NELL1: variants seen among roughly 807,000 people sequenced by gnomAD.
NELL1 encodes neural EGFL like 1.
NELL1 carries 76 observed loss-of-function variants against 107.4 expected under a neutral mutation model. The ratio of observed to expected loss-of-function variants is 0.71; its 90% CI spans 0.59 to 0.86. The LOEUF is 0.86. Ranked by LOEUF, NELL1 falls within the 40% of genes least tolerant of loss-of-function variation. The probability of loss-of-function intolerance (pLI) is 0.00; values close to 1 mark genes in which losing one functional copy is unlikely to be tolerated. For synonymous variants in NELL1, 353 were observed against 341.2 expected (o/e 1.03, Z -0.38); for missense variants, 1,024 against 1,005.5 (o/e 1.02, Z -0.25).
chr11:21,215,232 C>G (rs1395945829), intron 13 of NELL1, among the ~76,000 whole-genome samples: 8 of 152,104 alleles, frequency 5.3e-5, no homozygotes, highest in Non-Finnish European at 1.2e-4. Context: ...TCTCACTTCT[C>G]CTTGTGGCCA....
chr11:21,432,938 T>A (rs1853003230), intron 15 of NELL1, among the ~76,000 whole-genome samples: 1 of 152,170 alleles, frequency 6.6e-6, no homozygotes, highest in Non-Finnish European at 1.5e-5. Context: ...CCTACAGTGG[T>A]ACAACACACT....
intron 12 of NELL1, among the ~76,000 whole-genome samples, chr11:21,003,162 T>C (rs1448404409): frequency 6.6e-6 from 1 of 152,170 alleles, no homozygotes; most frequent in Non-Finnish European, 1.5e-5. Context: ...GGGAATAAAC[T>C]AATTTAGATA....
At chr11:21,564,121 G>A (rs756048305) in intron 17 of NELL1, among the ~76,000 whole-genome samples, 3 of 151,926 alleles carry the variant, frequency 2.0e-5, no homozygotes, top group Non-Finnish European at 4.4e-5. Context: ...GATCGTAAGA[G>A]ATTTTACGTT....
chr11:21,032,514 A>C (rs1852987472), intron 12 of NELL1, among the ~76,000 whole-genome samples: 1 of 152,002 alleles, frequency 6.6e-6, no homozygotes, highest in Non-Finnish European at 1.5e-5. Context: ...TCAGCCTCCC[A>C]GGTAGCTGGG....
chr11:21,104,047 A>G (rs1321076629), intron 12 of NELL1, among the ~76,000 whole-genome samples: 1 of 152,164 alleles, frequency 6.6e-6, no homozygotes, highest in Non-Finnish European at 1.5e-5. Flanking sequence ...ATTTCAGGGA[A>G]TCCAAAAGAC....
intron 2 of NELL1, among the ~76,000 whole-genome samples, chr11:20,688,419 C>G (rs1159821788): frequency 6.6e-6 from 1 of 151,952 alleles, no homozygotes; most frequent in Non-Finnish European, 1.5e-5. Context: ...CTGTAGCTGC[C>G]ATCTTTATGT....
intron 12 of NELL1, among the ~76,000 whole-genome samples, chr11:21,043,206 A>AT (rs1485084490): frequency 6.6e-6 from 1 of 152,162 alleles, no homozygotes; most frequent in East Asian, 1.9e-4. Flanking sequence ...AAAAGTATTT[A>AT]TTGTGCACCT....
intron 1 of NELL1, among the ~76,000 whole-genome samples, chr11:20,672,325 T>G (rs754419872): frequency 6.6e-6 from 1 of 152,250 alleles, no homozygotes; most frequent in Non-Finnish European, 1.5e-5. Context: ...TCTGGGCTGT[T>G]AACAGTCCTA....
chr11:21,436,993 AT>A (rs921469529), intron 15 of NELL1, among the ~76,000 whole-genome samples: 4 of 152,126 alleles, frequency 2.6e-5, no homozygotes, highest in Non-Finnish European at 5.9e-5. Flanking sequence ...TATGATTTAA[AT>A]TTTTTAAAAA....
intron 15 of NELL1, among the ~76,000 whole-genome samples, chr11:21,510,475 T>C (rs1420947259): frequency 6.6e-6 from 1 of 152,166 alleles, no homozygotes; most frequent in Admixed American, 6.5e-5. Context: ...TCCTCTCTCA[T>C]GCATTCTCCG....
At chr11:21,055,948 T>C (rs1442756518) in intron 12 of NELL1, among the ~76,000 whole-genome samples, 1 of 152,194 alleles carries the variant, frequency 6.6e-6, no homozygotes, top group Non-Finnish European at 1.5e-5. Context: ...CTGTATACTT[T>C]GGAGTATTAT....
chr11:20,905,392 G>GAAAGT (rs1849973590), intron 5 of NELL1, among the ~76,000 whole-genome samples: 1 of 152,064 alleles, frequency 6.6e-6, no homozygotes, highest in Non-Finnish European at 1.5e-5. Context: ...AAAGAAAGAG[G>GAAAGT]AAAGTATTGT....
chr11:21,323,464 C>A (rs1850059342), intron 14 of NELL1, among the ~76,000 whole-genome samples: 1 of 152,112 alleles, frequency 6.6e-6, no homozygotes, highest in African/African-American at 2.4e-5. Flanking sequence ...TGATGGGCAT[C>A]ATTTAATTTT....
chr11:21,538,459 T>C (rs1856198304), intron 16 of NELL1, among the ~76,000 whole-genome samples: 2 of 152,166 alleles, frequency 1.3e-5, no homozygotes, highest in Admixed American at 1.3e-4. Context: ...AGAGTCACTA[T>C]TCTTGAAGAG....
chr11:20,793,268 A>G (rs1219962564), intron 3 of NELL1, among the ~76,000 whole-genome samples: 2 of 151,912 alleles, frequency 1.3e-5, no homozygotes, highest in Non-Finnish European at 2.9e-5. Flanking sequence ...CCTATATTTC[A>G]TTGATATTGG....
At chr11:21,157,203 A>C (rs1287792083) in intron 13 of NELL1, among the ~76,000 whole-genome samples, 3 of 151,846 alleles carry the variant, frequency 2.0e-5, no homozygotes, top group Non-Finnish European at 2.9e-5. Context: ...ATATACACAC[A>C]CCAAATTAAA....
intron 2 of NELL1, among the ~76,000 whole-genome samples, chr11:20,783,253 T>C (rs538659379): frequency 3.9e-4 from 60 of 152,320 alleles, no homozygotes; most frequent in African/African-American, 1.2e-3. Flanking sequence ...TATCCCAAGA[T>C]TCTCTGAATT....
chr11:21,281,379 A>T (rs953374864), intron 14 of NELL1, among the ~76,000 whole-genome samples: 1 of 152,082 alleles, frequency 6.6e-6, no homozygotes, highest in Non-Finnish European at 1.5e-5. Context: ...GTGCCAGTTC[A>T]ATTGCAATAC....
intron 15 of NELL1, among the ~76,000 whole-genome samples, chr11:21,531,752 T>C (rs1459131437): frequency 6.6e-6 from 1 of 152,164 alleles, no homozygotes; most frequent in Non-Finnish European, 1.5e-5. Flanking sequence ...GCTTCTGTCT[T>C]GTTTGTTTGC....
Sources: gnomAD v4.1 joint callset for allele counts (sites outside exome capture counted in the v4.1 genomes callset) on GRCh38, gnomAD v4.1.1 for gene constraint, MANE v1.5 for transcripts, NCBI Gene and HGNC (gene_info 2026-07-23, HGNC 2026-07-21) for gene names.